TFDP2: variants seen among roughly 807,000 people sequenced by gnomAD.
TFDP2 encodes transcription factor Dp-2 (E2F dimerization partner 2).
TFDP2 carries 17 observed loss-of-function variants against 59.3 expected under a neutral mutation model. That is an observed-to-expected ratio of 0.29 (90% CI 0.20 to 0.43). The LOEUF is 0.43. Ranked by LOEUF, TFDP2 falls within the 20% of genes least tolerant of loss-of-function variation. The pLI is 1.00. For synonymous variants in TFDP2, 180 were observed against 194.7 expected, an observed-to-expected ratio of 0.92 and a Z score of 0.63; for missense variants, 391 against 528.8, an observed-to-expected ratio of 0.74 and a Z score of 2.56.
chr3:141,959,780 T>C lies in TFDP2; in HGVS notation c.945A>G (p.Leu315=). The change falls in exon 11 of 13, where the codon CTA becomes CTG. Residue 315 remains leucine (L), a synonymous_variant. Coordinates refer to ENST00000489671, the MANE Select transcript of TFDP2 (RefSeq NM_001178139.2). ...TFEIHDDIEV[L]KRMGMSFGLE... ...GGCCAAACGACATTCCCATCCGCTT[T>C]AGTACTTCTATGTCATCATGGATCT... 1 of 1,614,184 alleles carries C rather than the reference T, an allele frequency of 6.2e-7. No individual in the cohort carries two copies.
intron 3 of TFDP2, among the ~76,000 whole-genome samples, chr3:142,075,915 A>AAAAAAAG (rs2108564538): frequency 6.6e-6 from 1 of 150,828 alleles, no homozygotes; most frequent in South Asian, 2.1e-4. Flanking sequence ...TCAAAAAAAA[A>AAAAAAAG]AAAAAAAAAG....
At chr3:141,984,268 G>A (rs374871033) in intron 6 of TFDP2, among the ~76,000 whole-genome samples, 93 of 152,268 alleles carry the variant, frequency 6.1e-4, no homozygotes, top group African/African-American at 2.2e-3. Flanking sequence ...TTGGGAGGCC[G>A]AGGTAGGCGG....
chr3:141,949,107 A>G lies in TFDP2; in HGVS notation c.*3406T>C, dbSNP rs998299838. ...AAAAAAAAAAAAAAAAAAAATTTCC[A>G]TTTGAATTCTGATAGGAGCTACCTT... is the stretch of plus-strand genomic sequence containing the variant. On this transcript the variant is annotated 3_prime_UTR_variant, in exon 13 of 13. Coordinates refer to ENST00000489671, the MANE Select transcript of TFDP2 (RefSeq NM_001178139.2). The G allele has an allele frequency of 6.9e-6, 1 of 144,858 alleles. No individual in the cohort carries two copies. The highest frequency in any genetic ancestry group is 2.5e-5 in the African/African-American group (1 of 39,634). 9.0% of individuals were successfully genotyped at this position (144,858 alleles called of 1,614,324 possible). A position where few individuals can be genotyped will look rare whatever the true frequency, so the allele number is the denominator to read the frequency against.
intron 3 of TFDP2, among the ~76,000 whole-genome samples, chr3:142,026,417 T>C (rs776358743): frequency 6.6e-6 from 1 of 152,210 alleles, no homozygotes; most frequent in Non-Finnish European, 1.5e-5. Flanking sequence ...TGCTTGAATG[T>C]TGATATCTTT....
At position 141,949,421 on chromosome 3, in the gene TFDP2, A is replaced by C. The variant is rs1452957407; in HGVS notation, c.*3092T>G. The C allele has an allele frequency of 6.6e-6, 1 of 152,148 alleles. No homozygotes were observed. Among genetic ancestry groups the C allele is most frequent in the Non-Finnish European group, 1.5e-5 (1 of 68,100 alleles). 9.4% of individuals were successfully genotyped at this position (152,148 alleles called of 1,614,324 possible). On this transcript the variant is annotated 3_prime_UTR_variant, in exon 13 of 13. Coordinates refer to ENST00000489671, the MANE Select transcript of TFDP2 (RefSeq NM_001178139.2). The stretch of plus-strand genomic sequence containing the variant: ...AGGCCCACCTTGATCATAAGGCACA[A>C]GGTATACAAACACCACAACTGCTCT...
chr3:142,142,955 C>G (rs6775855), intron 1 of TFDP2, among the ~76,000 whole-genome samples: 150,717 of 152,402 alleles, frequency 0.99, 74,531 homozygotes, highest in Middle Eastern at 1. Context: ...ATCAAATCAG[C>G]CTGGGCAAGG....
rs1296048272 is a variant in TFDP2 at position 141,968,455 on chromosome 3, CAT to C, written c.732+1616_732+1617del. ...ATAGATATATATAACATATATATCTCATATATAGATATATATATAACATATAT... is the reference window on the plus strand; with the variant it reads ...ATAGATATATATAACATATATATCTCATATAGATATATATATAACATATAT... On this transcript the variant is annotated intron_variant, in intron 9 of 12. Transcript: ENST00000489671. Among the ~76,000 whole-genome samples the C allele has an allele frequency of 1.9e-4, 16 of 85,006 alleles. 2 individuals carry two copies. Among genetic ancestry groups the C allele is most frequent in the East Asian group, 9.2e-4 (3 of 3,276 alleles). 55.8% of individuals were successfully genotyped at this position (85,006 alleles called of 152,430 possible).
intron 11 of TFDP2, among the ~76,000 whole-genome samples, chr3:141,957,651 C>T (rs1936860481): frequency 6.6e-6 from 1 of 152,116 alleles, no homozygotes; most frequent in East Asian, 1.9e-4. Context: ...GAATGAAATA[C>T]TGATGGTGCT....
intron 3 of TFDP2, among the ~76,000 whole-genome samples, chr3:142,054,921 G>A (rs2059686094): frequency 6.6e-6 from 1 of 152,180 alleles, no homozygotes; most frequent in Non-Finnish European, 1.5e-5. Flanking sequence ...AACCTCCAGA[G>A]ACGTGAAGGG....
chr3:141,998,680 G>C (rs1179034737), intron 4 of TFDP2, among the ~76,000 whole-genome samples: 1 of 152,066 alleles, frequency 6.6e-6, no homozygotes, highest in Non-Finnish European at 1.5e-5. Flanking sequence ...ATATTCACTT[G>C]ATATGCTAAG....
intron 3 of TFDP2, among the ~76,000 whole-genome samples, chr3:142,088,580 G>C (rs568027767): frequency 6.6e-6 from 1 of 150,494 alleles, no homozygotes; most frequent in East Asian, 2.0e-4. Context: ...GGAATTATAG[G>C]TGTGAGCCAC....
intron 3 of TFDP2, among the ~76,000 whole-genome samples, chr3:142,023,207 T>G (rs1313345956): frequency 6.6e-6 from 1 of 151,104 alleles, no homozygotes; most frequent in African/African-American, 2.4e-5. Context: ...TTATTTGAGA[T>G]AGAGTCTTGT....
intron 2 of TFDP2, among the ~76,000 whole-genome samples, chr3:142,098,042 T>C (rs1296946335): frequency 6.6e-6 from 1 of 152,136 alleles, no homozygotes; most frequent in East Asian, 1.9e-4. Context: ...TCGCCTGCCT[T>C]GGCCTCCCAA....
chr3:142,058,319 G>GTTT (rs397876925), intron 3 of TFDP2, among the ~76,000 whole-genome samples: 2 of 137,646 alleles, frequency 1.5e-5, no homozygotes, highest in African/African-American at 2.7e-5. Flanking sequence ...AAATGTTTGG[G>GTTT]TTTTTTTTTT....
chr3:141,974,285 G>A (rs1029220902), intron 7 of TFDP2, 94 bp from the exon 8 acceptor site: 2 of 1,086,324 alleles, frequency 1.8e-6, no homozygotes, highest in Non-Finnish European at 2.5e-6. Context: ...CAACTTCAAA[G>A]TGCTGGAAGG....
At chr3:142,133,242 A>G (rs1376238355) in intron 1 of TFDP2, among the ~76,000 whole-genome samples, 1 of 150,012 alleles carries the variant, frequency 6.7e-6, no homozygotes, top group Non-Finnish European at 1.5e-5. Flanking sequence ...TTTTGGAGAG[A>G]GTCTTACCCT....
intron 3 of TFDP2, among the ~76,000 whole-genome samples, chr3:142,075,801 G>A (rs1051412612): frequency 5.3e-5 from 8 of 150,194 alleles, no homozygotes; most frequent in African/African-American, 2.0e-4. Flanking sequence ...CAGCTAGTCA[G>A]GAGGCTGAAA....
intron 9 of TFDP2, among the ~76,000 whole-genome samples, chr3:141,967,877 C>T (rs1380086860): frequency 6.6e-6 from 1 of 152,144 alleles, no homozygotes; most frequent in African/African-American, 2.4e-5. Context: ...GTCCTACACA[C>T]ATGAGGGTGA....
At chr3:142,046,101 G>A (rs552360443) in intron 3 of TFDP2, among the ~76,000 whole-genome samples, 2 of 152,184 alleles carry the variant, frequency 1.3e-5, no homozygotes, top group South Asian at 4.2e-4. Flanking sequence ...GTCAATTTGT[G>A]GATCTAATGT....
Sources: gnomAD v4.1 joint callset for allele counts (sites outside exome capture counted in the v4.1 genomes callset) on GRCh38, gnomAD v4.1.1 for gene constraint, MANE v1.5 for transcripts, NCBI Gene and HGNC (gene_info 2026-07-23, HGNC 2026-07-21) for gene names.